The following CNIH4 variants were observed in gnomAD, a reference collection of about 807,000 sequenced individuals.
The protein encoded by CNIH4 is cornichon family member 4.
Under a neutral mutation model 21.5 loss-of-function variants are expected in CNIH4, and 9 were observed. The observed-to-expected ratio is 0.42, with a 90% CI of 0.25 to 0.73. The LOEUF (loss-of-function observed/expected upper bound fraction) is 0.73. CNIH4 is among the 30% of genes least tolerant of loss of function. The probability of loss-of-function intolerance (pLI) is 0.27; values close to 1 mark genes in which losing one functional copy is unlikely to be tolerated. For synonymous variants in CNIH4, 67 were observed against 59.1 expected (o/e 1.13, Z -0.61); for missense variants, 159 against 170.0 (o/e 0.94, Z 0.36).
At chr1:224,356,873 C>A, upstream of CNIH4, 3 of 1,504,370 alleles carry the variant, frequency 2.0e-6, no homozygotes, top group South Asian at 3.6e-5. Context: ...AGGGGTGGGT[C>A]GGGGCATCCG....
rs1286818383 is a variant in CNIH4 at position 224,356,967 on chromosome 1, G to A, written c.43G>A (p.Ala15Thr). 1.2e-6 allele frequency: 2 copies of A among 1,612,562 alleles called. No homozygotes were observed. Among genetic ancestry groups the A allele is most frequent in the East Asian group, 4.5e-5 (2 of 44,868 alleles). ...VFVFSLLDCC[A>T]LIFLSVYFII... is the part of the protein sequence containing the mutation. ...CGTCTTCTCTCTCCTCGATTGTTGC[G>A]CGCTCATCTTCCTCTCGGTCTACTT... The change falls in exon 1 of 5, where the codon GCG (alanine) becomes ACG (threonine). Residue 15 changes from alanine to threonine, a missense_variant. Coordinates refer to ENST00000465271, the MANE Select transcript of CNIH4 (RefSeq NM_014184.4).
intron 2 of CNIH4, chr1:224,364,106 C>T (rs537016327): frequency 2.9e-5 from 29 of 985,308 alleles, no homozygotes; most frequent in Non-Finnish European, 3.4e-5. Context: ...AAACATATTT[C>T]AGGCCAGTTG....
intron 4 of CNIH4, 32 bp from the exon 5 acceptor site, chr1:224,375,763 A>C (rs892868255): frequency 6.2e-7 from 1 of 1,613,514 alleles, no homozygotes; most frequent in Non-Finnish European, 8.5e-7. Context: ...TCCTGAGAAA[A>C]CATTAGTGAC....
At position 224,365,976 on chromosome 1, in the gene CNIH4, C is replaced by T; in HGVS notation, c.236C>T (p.Thr79Ile). The T allele has an allele frequency of 6.3e-7, 1 of 1,591,912 alleles. No homozygotes were observed. The highest frequency in any genetic ancestry group is 8.6e-7 in the Non-Finnish European group (1 of 1,159,750). The change falls in exon 3 of 5, where the codon ACT becomes ATT. Residue 79 changes from threonine (T) to isoleucine (I), a missense_variant. Physicochemically the swap from Thr to Ile is moderately conservative, Grantham distance 89 (BLOSUM62 -1). Transcript: ENST00000465271. ...FIFLLNLPVA[T>I]WNIYRYIMVP... is the part of the protein sequence containing the mutation. ...TTCCTTCTCAACTTACCTGTTGCCA[C>T]TTGGAATATATATCGGTGAGTATAG...
Position 224,371,323 on chromosome 1 carries a change from C to G in CNIH4, c.292C>G (p.Pro98Ala). The G allele has an allele frequency of 1.2e-6, 2 of 1,613,954 alleles. No homozygotes were observed. Among genetic ancestry groups the G allele is most frequent in the Non-Finnish European group, 1.7e-6 (2 of 1,179,942 alleles). ...GAGTGGTAACATGGGAGTGTTTGATCCAACAGAAATACACAATCGAGGGCA... is the reference window on the plus strand; with the variant it reads ...GAGTGGTAACATGGGAGTGTTTGATGCAACAGAAATACACAATCGAGGGCA... ...VPSGNMGVFD[P>A]TEIHNRGQLK... Residue 98 changes from proline to alanine, a missense_variant, in exon 4 of 5, where the codon CCA becomes GCA. By Grantham distance (27) the Pro-to-Ala change is conservative. Coordinates refer to ENST00000465271, the MANE Select transcript of CNIH4 (RefSeq NM_014184.4).
rs1233534350 is a variant in CNIH4 at position 224,378,934 on chromosome 1, T to C, written c.*3112T>C. Reference sequence around the variant, plus strand: ...CTGAGGCTTAGTCCAGTGTTCTCTCTCCCTTACCACTCCTCTTCCCCTTCC... The same window carrying C: ...CTGAGGCTTAGTCCAGTGTTCTCTCCCCCTTACCACTCCTCTTCCCCTTCC... On this transcript the variant is annotated 3_prime_UTR_variant, in exon 5 of 5. Transcript: ENST00000465271. The C allele has an allele frequency of 1.2e-6, 1 of 816,794 alleles. No homozygotes were observed. Among genetic ancestry groups the C allele is most frequent in the Middle Eastern group, 2.2e-4 (1 of 4,464 alleles). 50.6% of individuals were successfully genotyped at this position (816,794 alleles called of 1,614,324 possible). A position where few individuals can be genotyped will look rare whatever the true frequency, so the allele number is the denominator to read the frequency against.
At chr1:224,371,852 G>A (rs754100055) in intron 4 of CNIH4, among the ~76,000 whole-genome samples, 2 of 152,338 alleles carry the variant, frequency 1.3e-5, no homozygotes, top group Middle Eastern at 3.4e-3. Flanking sequence ...TGAGGCAGGA[G>A]AATCACTTGA....
intron 3 of CNIH4, among the ~76,000 whole-genome samples, chr1:224,370,478 A>T (rs577458660): frequency 6.6e-6 from 1 of 152,352 alleles, no homozygotes; most frequent in African/African-American, 2.4e-5. Context: ...GTGCTAGGTT[A>T]GGACATATAT....
rs1177035420 is a variant in CNIH4 at position 224,377,332 on chromosome 1, C to G, written c.*1510C>G. The G allele has an allele frequency of 5.3e-5, 8 of 152,242 alleles. No homozygotes were observed. Among genetic ancestry groups the G allele is most frequent in the Non-Finnish European group, 7.3e-5 (5 of 68,074 alleles). 9.4% of individuals were successfully genotyped at this position (152,242 alleles called of 1,614,324 possible). A position where few individuals can be genotyped will look rare whatever the true frequency, so the allele number is the denominator to read the frequency against. ...TTTTTCATACCTTTTCCCTCTGAGGCAGCTTTTGCTTAGAAAACAGTCCCT... is the reference window on the plus strand; with the variant it reads ...TTTTTCATACCTTTTCCCTCTGAGGGAGCTTTTGCTTAGAAAACAGTCCCT... On this transcript the variant is annotated 3_prime_UTR_variant, in exon 5 of 5. Transcript: ENST00000465271.
At chr1:224,368,493 A>G (rs1462121161) in intron 3 of CNIH4, among the ~76,000 whole-genome samples, 1 of 152,222 alleles carries the variant, frequency 6.6e-6, no homozygotes, top group Non-Finnish European at 1.5e-5. Context: ...ATCAACAGAT[A>G]GATTATTTGC....
chr1:224,373,422 T>A (rs1020346721), intron 4 of CNIH4, among the ~76,000 whole-genome samples: 18 of 152,130 alleles, frequency 1.2e-4, no homozygotes, highest in Admixed American at 8.5e-4. Context: ...ACAGCCCACG[T>A]AGTCATGCTT....
rs745438705 is a variant in CNIH4, at chr1:224,377,047, C to G, written c.*1225C>G. The stretch of plus-strand genomic sequence containing the variant: ...CCCAAAAGATTAAATGTTACATGTC[C>G]TTTTAGTCCTTGACCAGGTCTAGCC... On this transcript the variant is annotated 3_prime_UTR_variant, in exon 5 of 5. Coordinates refer to ENST00000465271, the MANE Select transcript of CNIH4 (RefSeq NM_014184.4). The G allele has an allele frequency of 1.2e-5, 5 of 410,424 alleles. No homozygotes were observed. Among genetic ancestry groups the G allele is most frequent in the Non-Finnish European group, 1.6e-5 (5 of 304,490 alleles). The allele number at this position is 410,424 out of a possible 1,614,324, so 25.4% of individuals were successfully genotyped here.
chr1:224,379,293 GGTATTACA>G lies in CNIH4; in HGVS notation c.*3474_*3481del. 1 of 598,114 alleles carries G rather than the reference GGTATTACA, an allele frequency of 1.7e-6. No individual in the cohort carries two copies. Among genetic ancestry groups the G allele is most frequent in the Non-Finnish European group, 3.0e-6 (1 of 335,102 alleles). 37.1% of individuals were successfully genotyped at this position (598,114 alleles called of 1,614,324 possible). On this transcript the variant is annotated 3_prime_UTR_variant, in exon 5 of 5. Transcript: ENST00000465271. ...CCATGGCACTTACCACATTCTATCT[GGTATTACA>G]GTTATTTGTATGCAATTAATCACTC... is the stretch of plus-strand genomic sequence containing the variant.
rs942741263 is a variant in CNIH4, at chr1:224,356,937, G to A, written c.13G>A (p.Val5Met). Residue 5 changes from valine (V) to methionine (M), a missense_variant, in exon 1 of 5, where the codon GTG becomes ATG. Physicochemically the swap from Val to Met is conservative, Grantham distance 21 (BLOSUM62 1). Coordinates refer to ENST00000465271, the MANE Select transcript of CNIH4 (RefSeq NM_014184.4). ...ACGGAGGAGGAGGATGGAGGCGGTG[G>A]TGTTCGTCTTCTCTCTCCTCGATTG... MEAV[V>M]FVFSLLDCCA... is the part of the protein sequence containing the mutation. 2 of 1,610,764 alleles carry A rather than the reference G, an allele frequency of 1.2e-6. No individual in the cohort carries two copies. Among genetic ancestry groups the A allele is most frequent in the East Asian group, 2.2e-5 (1 of 44,824 alleles).
At chr1:224,373,551 TG>T (rs1186407760) in intron 4 of CNIH4, among the ~76,000 whole-genome samples, 6 of 150,798 alleles carry the variant, frequency 4.0e-5, no homozygotes, top group Non-Finnish European at 5.9e-5. Context: ...GGGGAGTGGC[TG>T]GGCTCGGTGG....
intron 3 of CNIH4, among the ~76,000 whole-genome samples, chr1:224,367,919 TATACC>T (rs1212718789): frequency 6.6e-6 from 1 of 152,218 alleles, no homozygotes; most frequent in Non-Finnish European, 1.5e-5. Flanking sequence ...ATCTTAATGT[TATACC>T]AGACCATACT....
upstream of CNIH4, chr1:224,356,806 A>T (rs531015290): frequency 7.3e-5 from 59 of 806,628 alleles, no homozygotes; most frequent in East Asian, 1.6e-3. Flanking sequence ...AACTCCCGGC[A>T]TGCCACACCA....
Position 224,378,119 on chromosome 1 carries a change from A to T in CNIH4, c.*2297A>T, listed in dbSNP as rs6701145. On this transcript the variant is annotated 3_prime_UTR_variant, in exon 5 of 5. Transcript: ENST00000465271. ...GCCCAAGCTGGAGTGCACTGGCGCA[A>T]TCGTGGTACACTGCAGCCTTGAACT... 27,869 of 151,946 alleles carry T rather than the reference A, an allele frequency of 0.18. 2,815 individuals carry two copies. The highest frequency in any genetic ancestry group is 0.24 in the Middle Eastern group (70 of 296). The allele number at this position is 151,946 out of a possible 1,614,324, so 9.4% of individuals were successfully genotyped here. A position where few individuals can be genotyped will look rare whatever the true frequency, so the allele number is the denominator to read the frequency against.
At position 224,377,256 on chromosome 1, in the gene CNIH4, C is replaced by T. The variant is rs1672804912; in HGVS notation, c.*1434C>T. The T allele has an allele frequency of 6.6e-6, 1 of 152,232 alleles. No individual in the cohort carries two copies. The highest frequency in any genetic ancestry group is 1.5e-5 in the Non-Finnish European group (1 of 68,048). The allele number at this position is 152,232 out of a possible 1,614,324, so 9.4% of individuals were successfully genotyped here. A position where few individuals can be genotyped will look rare whatever the true frequency, so the allele number is the denominator to read the frequency against. On this transcript the variant is annotated 3_prime_UTR_variant, in exon 5 of 5. Transcript: ENST00000465271. The stretch of plus-strand genomic sequence containing the variant: ...CCTTGTGGTAATCTTATATTTCTGT[C>T]AGGCACAGGGCCAAGAAGCTGTGTA...
Sources: gnomAD v4.1 joint callset for allele counts (sites outside exome capture counted in the v4.1 genomes callset) on GRCh38, gnomAD v4.1.1 for gene constraint, MANE v1.5 for transcripts, NCBI Gene and HGNC (gene_info 2026-07-23, HGNC 2026-07-21) for gene names.